PPM1E: variants seen among roughly 807,000 people sequenced by gnomAD.
PPM1E encodes protein phosphatase 1E.
Under a neutral mutation model 65.9 loss-of-function variants are expected in PPM1E, and 20 were observed. The observed-to-expected ratio is 0.30, with a 90% CI of 0.21 to 0.44. PPM1E has a LOEUF of 0.44. PPM1E is among the 20% of genes least tolerant of loss of function. PPM1E has a pLI of 1.00. For missense variants in PPM1E, 713 were observed against 953.1 expected (o/e 0.75, Z 3.32); for synonymous variants, 352 against 374.9 (o/e 0.94, Z 0.70).
chr17:58,823,642 C>A (rs1384805541), intron 1 of PPM1E, among the ~76,000 whole-genome samples: 2 of 151,690 alleles, frequency 1.3e-5, no homozygotes, highest in Non-Finnish European at 2.9e-5. Flanking sequence ...TTAATCTGCA[C>A]CACAGGAAAG....
At chr17:58,905,915 T>C (rs1450186837) in intron 1 of PPM1E, among the ~76,000 whole-genome samples, 1 of 152,188 alleles carries the variant, frequency 6.6e-6, no homozygotes, top group African/African-American at 2.4e-5. Flanking sequence ...ATGCCTTAAA[T>C]ATTTGGTAGA....
At chr17:58,823,742 A>T (rs67014405) in intron 1 of PPM1E, among the ~76,000 whole-genome samples, 27,970 of 151,896 alleles carry the variant, frequency 0.18, 2,737 homozygotes, top group Non-Finnish European at 0.21. Flanking sequence ...TTATTTATTT[A>T]TTTTTTGAGA....
intron 1 of PPM1E, among the ~76,000 whole-genome samples, chr17:58,794,009 C>T (rs1179670246): frequency 6.6e-6 from 1 of 152,032 alleles, no homozygotes; most frequent in Non-Finnish European, 1.5e-5. Flanking sequence ...GTGGCCTGAT[C>T]TCAGCTCACT....
At chr17:58,906,583 C>A (rs1468617333) in intron 1 of PPM1E, among the ~76,000 whole-genome samples, 2 of 152,190 alleles carry the variant, frequency 1.3e-5, no homozygotes, top group Non-Finnish European at 2.9e-5. Flanking sequence ...AGTGATCTGT[C>A]CACCTCAGCC....
chr17:58,861,187 A>T (rs999495293), intron 1 of PPM1E, among the ~76,000 whole-genome samples: 2 of 152,208 alleles, frequency 1.3e-5, no homozygotes, highest in African/African-American at 4.8e-5. Context: ...ATGAGGCTAC[A>T]TATCCAACAG....
intron 1 of PPM1E, among the ~76,000 whole-genome samples, chr17:58,885,751 G>A (rs753775139): frequency 5.9e-5 from 9 of 152,200 alleles, no homozygotes; most frequent in African/African-American, 1.2e-4. Context: ...TCTGTCCTAC[G>A]TCTACTCTAT....
At chr17:58,758,210 G>T (rs1160586179) in intron 1 of PPM1E, among the ~76,000 whole-genome samples, 10 of 151,324 alleles carry the variant, frequency 6.6e-5, no homozygotes, top group Non-Finnish European at 1.3e-4. Flanking sequence ...CTTATTTAAA[G>T]ATGATGGCAA....
Position 58,855,588 on chromosome 17 carries a change from G to A in PPM1E, c.464+99127G>A, listed in dbSNP as rs113515607. 1.5e-3 allele frequency among the ~76,000 whole-genome samples: 233 copies of A among 152,270 alleles called. 2 individuals are homozygous for A. Among genetic ancestry groups the A allele is most frequent in the African/African-American group, 5.4e-3 (226 of 41,546 alleles). ...AAAAACACAGTTTGAAGAGATAGAG[G>A]AAGTATCATAACTAGATATGGCAGG... is the stretch of plus-strand genomic sequence containing the variant. On this transcript the variant is annotated intron_variant, in intron 1 of 6. Transcript: ENST00000308249.
chr17:58,921,291 A>G (rs1432007978), intron 1 of PPM1E, among the ~76,000 whole-genome samples: 1 of 152,320 alleles, frequency 6.6e-6, no homozygotes, highest in South Asian at 2.1e-4. Flanking sequence ...CCTGTATTTT[A>G]ACATTGGAAA....
At chr17:58,880,414 C>T (rs572111023) in intron 1 of PPM1E, among the ~76,000 whole-genome samples, 29 of 152,246 alleles carry the variant, frequency 1.9e-4, no homozygotes, top group African/African-American at 6.7e-4. Flanking sequence ...AAGTTTCCTG[C>T]AGAATTTTAC....
At chr17:58,801,335 A>G (rs941622166) in intron 1 of PPM1E, among the ~76,000 whole-genome samples, 2 of 152,138 alleles carry the variant, frequency 1.3e-5, no homozygotes, top group Non-Finnish European at 2.9e-5. Flanking sequence ...TGACAAACAT[A>G]CATATTTATG....
intron 1 of PPM1E, among the ~76,000 whole-genome samples, chr17:58,840,627 A>G (rs1171851079): frequency 1.3e-5 from 2 of 152,170 alleles, no homozygotes; most frequent in African/African-American, 4.8e-5. Flanking sequence ...AAAGTAAGAA[A>G]GTGCTAAAGA....
At chr17:58,970,269 T>C (rs1287795808) in intron 4 of PPM1E, among the ~76,000 whole-genome samples, 3 of 152,208 alleles carry the variant, frequency 2.0e-5, no homozygotes, top group Non-Finnish European at 4.4e-5. Context: ...GCTCATGTCC[T>C]ACATTGCGAA....
intron 1 of PPM1E, among the ~76,000 whole-genome samples, chr17:58,944,238 A>G (rs2052113281): frequency 6.6e-6 from 1 of 152,014 alleles, no homozygotes; most frequent in Admixed American, 6.6e-5. Context: ...TTTTTTTATT[A>G]TCTTTATTGA....
intron 1 of PPM1E, among the ~76,000 whole-genome samples, chr17:58,878,236 C>CT (rs1004378885): frequency 1.1e-4 from 17 of 151,652 alleles, no homozygotes; most frequent in African/African-American, 3.1e-4. Context: ...AGTAGATGAT[C>CT]TTTTTTTTGT....
intron 1 of PPM1E, among the ~76,000 whole-genome samples, chr17:58,789,038 A>G (rs2050130539): frequency 6.6e-6 from 1 of 152,232 alleles, no homozygotes. Flanking sequence ...AATATTCATA[A>G]TGGCATATCA....
rs780518974 is a variant in PPM1E at position 58,771,492 on chromosome 17, C to T, written c.464+15031C>T. On this transcript the variant is annotated intron_variant, in intron 1 of 6. Coordinates refer to ENST00000308249, the MANE Select transcript of PPM1E (RefSeq NM_014906.5). ...TACAAAAATTAGCCAGATGTGGTGA[C>T]GGGCGCCTGTTGTCCCAGCTACTCA... is the stretch of plus-strand genomic sequence containing the variant. Among the ~76,000 whole-genome samples, 210 of 151,698 alleles carry T rather than the reference C, an allele frequency of 1.4e-3. 1 individual carries two copies. The highest frequency in any genetic ancestry group is 1.8e-3 in the Non-Finnish European group (125 of 67,908).
intron 2 of PPM1E, among the ~76,000 whole-genome samples, chr17:58,960,655 A>G (rs886496625): frequency 6.6e-6 from 1 of 151,646 alleles, no homozygotes; most frequent in Non-Finnish European, 1.5e-5. Context: ...GACGCCTGTA[A>G]TCCCAGCTAC....
intron 1 of PPM1E, among the ~76,000 whole-genome samples, chr17:58,830,201 C>T (rs1049852355): frequency 2.0e-5 from 3 of 152,066 alleles, no homozygotes; most frequent in Non-Finnish European, 4.4e-5. Context: ...ACAAAACGAA[C>T]AACAAAAAAA....
Sources: gnomAD v4.1 joint callset for allele counts (sites outside exome capture counted in the v4.1 genomes callset) on GRCh38, gnomAD v4.1.1 for gene constraint, MANE v1.5 for transcripts, NCBI Gene and HGNC (gene_info 2026-07-23, HGNC 2026-07-21) for gene names.